DOK6: variants seen among roughly 807,000 people sequenced by gnomAD.
The protein encoded by DOK6 is docking protein 6, also known as downstream of tyrosine kinase 6.
In DOK6, 22 loss-of-function variants were observed where a neutral mutation model predicts 44.0. The observed-to-expected ratio is 0.50, with a 90% confidence interval of 0.36 to 0.71. The LOEUF (loss-of-function observed/expected upper bound fraction) is 0.71, where lower values mean the gene tolerates loss of function less well. DOK6 is among the 30% of genes least tolerant of loss of function. The probability of loss-of-function intolerance (pLI) is 0.00; values close to 1 mark genes in which losing one functional copy is unlikely to be tolerated. For missense variants in DOK6, 340 were observed against 416.4 expected, an observed-to-expected ratio of 0.82 and a Z score of 1.60; for synonymous variants, 166 against 145.5, an observed-to-expected ratio of 1.14 and a Z score of -1.01.
At chr18:69,516,440 A>T (rs1793169652) in intron 1 of DOK6, among the ~76,000 whole-genome samples, 1 of 152,204 alleles carries the variant, frequency 6.6e-6, no homozygotes, top group South Asian at 2.1e-4. Flanking sequence ...TCACCAGGTG[A>T]AGACAAGAAG....
At chr18:69,651,481 CCTTTTTT>C (rs1568322489) in intron 3 of DOK6, among the ~76,000 whole-genome samples, 1 of 143,830 alleles carries the variant, frequency 7.0e-6, no homozygotes, top group African/African-American at 2.7e-5. Flanking sequence ...GCCCCCCGCT[CCTTTTTT>C]TTTTTTTTTT....
At chr18:69,612,468 T>TGCG (rs1351653077) in intron 3 of DOK6, among the ~76,000 whole-genome samples, 19 of 149,656 alleles carry the variant, frequency 1.3e-4, no homozygotes, top group East Asian at 4.0e-4. Flanking sequence ...CGTGCATATG[T>TGCG]ATTTCTTGCT....
At chr18:69,534,237 TATAAA>T (rs1463943085) in intron 1 of DOK6, among the ~76,000 whole-genome samples, 1 of 152,186 alleles carries the variant, frequency 6.6e-6, no homozygotes, top group African/African-American at 2.4e-5. Flanking sequence ...GGTTCTATTC[TATAAA>T]ATAACAATTT....
intron 5 of DOK6, among the ~76,000 whole-genome samples, chr18:69,728,773 G>T (rs1466823725): frequency 6.6e-6 from 1 of 152,148 alleles, no homozygotes; most frequent in African/African-American, 2.4e-5. Context: ...ACTACAAGCT[G>T]GTTCAGAGAG....
chr18:69,793,586 G>A (rs1386995331), intron 7 of DOK6, among the ~76,000 whole-genome samples: 1 of 152,012 alleles, frequency 6.6e-6, no homozygotes, highest in Admixed American at 6.6e-5. Context: ...TTTTAAAAGG[G>A]GAACTTAAGA....
In DOK6 at chr18:69,698,450, T is replaced by C. The variant is rs1188181190; in HGVS notation, c.456T>C (p.Tyr152=). 1.2e-6 allele frequency: 2 copies of C among 1,613,808 alleles called. No individual in the cohort carries two copies. The highest frequency in any genetic ancestry group is 1.7e-5 in the Admixed American group (1 of 59,996). The part of the protein sequence containing the change: ...YLMPTPNLDI[Y]GECTMQITHE... ...TGCCTACACCAAACCTGGATATTTA[T>C]GGTGAATGCACAATGCAGATCACTC... is the stretch of plus-strand genomic sequence containing the variant. The change falls in exon 5 of 8, where the codon TAT becomes TAC. Residue 152 remains tyrosine (Y), a synonymous_variant. Coordinates refer to ENST00000382713, the MANE Select transcript of DOK6 (RefSeq NM_152721.6).
intron 1 of DOK6, among the ~76,000 whole-genome samples, chr18:69,549,241 T>G (rs1982496934): frequency 6.6e-6 from 1 of 151,422 alleles, no homozygotes; most frequent in Non-Finnish European, 1.5e-5. Flanking sequence ...ATGCATGAAA[T>G]TTTTTTTAGA....
At chr18:69,600,145 T>C (rs906906670) in intron 3 of DOK6, among the ~76,000 whole-genome samples, 3 of 151,074 alleles carry the variant, frequency 2.0e-5, no homozygotes, top group East Asian at 2.0e-4. Flanking sequence ...ATAATGGATG[T>C]TAGCAGAAAG....
chr18:69,429,571 A>AACATCTATATCTATGTTGATTTTTCTAT (rs1478128210), intron 1 of DOK6, among the ~76,000 whole-genome samples: 3 of 74,714 alleles, frequency 4.0e-5, no homozygotes, highest in Non-Finnish European at 7.9e-5. Context: ...TAATACAAAC[A>AACATCTATATCTATGTTGATTTTTCTAT]ACATCTATAT....
At chr18:69,457,390 A>G (rs1360301302) in intron 1 of DOK6, among the ~76,000 whole-genome samples, 1 of 152,186 alleles carries the variant, frequency 6.6e-6, no homozygotes, top group Non-Finnish European at 1.5e-5. Context: ...TCCCAGCACA[A>G]TTAATTGAAT....
chr18:69,505,665 T>G (rs1014227722), intron 1 of DOK6, among the ~76,000 whole-genome samples: 8 of 151,690 alleles, frequency 5.3e-5, no homozygotes, highest in Non-Finnish European at 8.8e-5. Context: ...GCCAAGCTAA[T>G]TTTTGTATTT....
intron 1 of DOK6, among the ~76,000 whole-genome samples, chr18:69,549,345 G>T (rs545515133): frequency 6.6e-6 from 1 of 151,522 alleles, no homozygotes; most frequent in East Asian, 1.9e-4. Context: ...ATAGGCCTAT[G>T]CAAATTAACC....
At chr18:69,617,729 AGGGGGAAGGAGG>A (rs1984340116) in intron 3 of DOK6, among the ~76,000 whole-genome samples, 4 of 38,004 alleles carry the variant, frequency 1.1e-4, no homozygotes, top group Non-Finnish European at 2.4e-4. Flanking sequence ...GAAAGAAAAA[AGGGGGAAGGAGG>A]GAAGGAAGGA....
chr18:69,663,017 A>G (rs1346457482), intron 3 of DOK6: 1 of 152,230 alleles, frequency 6.6e-6, no homozygotes, highest in African/African-American at 2.4e-5. Context: ...AATGTTTTGA[A>G]TCTCAAGTCC....
At chr18:69,622,775 C>A (rs944042659) in intron 3 of DOK6, among the ~76,000 whole-genome samples, 9 of 152,012 alleles carry the variant, frequency 5.9e-5, no homozygotes, top group Non-Finnish European at 1.2e-4. Context: ...TTGTCTAAGG[C>A]ATATAAATGT....
At chr18:69,783,233 C>T (rs756235369) in intron 7 of DOK6, among the ~76,000 whole-genome samples, 8 of 152,184 alleles carry the variant, frequency 5.3e-5, no homozygotes, top group Non-Finnish European at 1.2e-4. Context: ...ACTGTGCATC[C>T]AGTACAATAA....
chr18:69,536,652 TA>T (rs1308096743), intron 1 of DOK6, among the ~76,000 whole-genome samples: 1 of 152,144 alleles, frequency 6.6e-6, no homozygotes, highest in African/African-American at 2.4e-5. Flanking sequence ...ATCACTTTAA[TA>T]AAAATTGTTA....
chr18:69,794,365 T>C (rs1434695035), intron 7 of DOK6, among the ~76,000 whole-genome samples: 1 of 152,218 alleles, frequency 6.6e-6, no homozygotes, highest in East Asian at 1.9e-4. Flanking sequence ...GAGAAAGTAA[T>C]TAAATGGAAA....
chr18:69,679,634 G>C (rs997403554), intron 4 of DOK6, among the ~76,000 whole-genome samples: 1 of 152,140 alleles, frequency 6.6e-6, no homozygotes, highest in Non-Finnish European at 1.5e-5. Context: ...ATAAAAATTT[G>C]TCAAGTACTA....
Sources: gnomAD v4.1 joint callset for allele counts (sites outside exome capture counted in the v4.1 genomes callset) on GRCh38, gnomAD v4.1.1 for gene constraint, MANE v1.5 for transcripts, NCBI Gene and HGNC (gene_info 2026-07-23, HGNC 2026-07-21) for gene names.